Variants in IGSF21 observed in about 807,000 individuals in gnomAD.
IGSF21 encodes the protein immunoglobin superfamily member 21, also known as immunoglobulin superfamily member 21.
A neutral mutation model predicts 46.8 loss-of-function variants in IGSF21; 28 were observed. That is an observed-to-expected ratio of 0.60 (90% CI 0.44 to 0.82). The LOEUF (loss-of-function observed/expected upper bound fraction) is 0.82, where lower values mean the gene tolerates loss of function less well. IGSF21 is among the 40% of genes least tolerant of loss of function. IGSF21 has a pLI of 0.00. For synonymous variants in IGSF21, 284 were observed against 273.6 expected, an observed-to-expected ratio of 1.04 and a Z score of -0.38; for missense variants, 624 against 665.5, an observed-to-expected ratio of 0.94 and a Z score of 0.69.
Position 18,177,769 on chromosome 1 carries a change from G to A in IGSF21, c.71-50129G>A, listed in dbSNP as rs979294496. ...GTGTTTGGGTGATTGGATCGAGGAG[G>A]TGGCACATATATGTTAAAAAGTCAT... On this transcript the variant is annotated intron_variant, in intron 1 of 9. Coordinates refer to ENST00000251296, the MANE Select transcript of IGSF21 (RefSeq NM_032880.5). Among the ~76,000 whole-genome samples the A allele has an allele frequency of 5.3e-5, 8 of 152,274 alleles. No homozygotes were observed. In the South Asian group the frequency reaches 1.7e-3, roughly 32 times the overall value.
intron 3 of IGSF21, among the ~76,000 whole-genome samples, chr1:18,300,988 G>C (rs1277669271): frequency 6.6e-6 from 1 of 152,168 alleles, no homozygotes; most frequent in Admixed American, 6.5e-5. Flanking sequence ...GATGCCCAGG[G>C]CCTCCGTAAA....
At chr1:18,252,044 C>CCTTT (rs1557608067) in intron 2 of IGSF21, among the ~76,000 whole-genome samples, 1 of 98,982 alleles carries the variant, frequency 1.0e-5, no homozygotes, top group Non-Finnish European at 2.1e-5. Context: ...CTGACCAAGG[C>CCTTT]GTTTTTTTTT....
At chr1:18,368,814 T>C (rs975000200) in intron 6 of IGSF21, among the ~76,000 whole-genome samples, 1 of 151,988 alleles carries the variant, frequency 6.6e-6, no homozygotes, top group Non-Finnish European at 1.5e-5. Context: ...CCACCAAGAA[T>C]AAGGAGGAGA....
intron 2 of IGSF21, among the ~76,000 whole-genome samples, chr1:18,260,353 C>T (rs971722421): frequency 6.6e-6 from 1 of 152,194 alleles, no homozygotes; most frequent in African/African-American, 2.4e-5. Context: ...GGGGGAGCCC[C>T]AAAATTGGAG....
chr1:18,304,457 T>G (rs1010875356), intron 3 of IGSF21, among the ~76,000 whole-genome samples: 9 of 152,042 alleles, frequency 5.9e-5, no homozygotes, highest in African/African-American at 1.9e-4. Flanking sequence ...CCCAGGCCAA[T>G]CCTCTCATTC....
At chr1:18,230,374 C>T (rs2084612580) in intron 2 of IGSF21, among the ~76,000 whole-genome samples, 1 of 152,214 alleles carries the variant, frequency 6.6e-6, no homozygotes, top group African/African-American at 2.4e-5. Flanking sequence ...TTACCATTGT[C>T]AGGCGCTGCA....
At chr1:18,302,628 A>G (rs1261463986) in intron 3 of IGSF21, among the ~76,000 whole-genome samples, 2 of 151,390 alleles carry the variant, frequency 1.3e-5, no homozygotes, top group East Asian at 3.9e-4. Flanking sequence ...CGGTGTTTTC[A>G]TTCCCTCTCT....
At chr1:18,208,611 A>C (rs1180899600) in intron 1 of IGSF21, among the ~76,000 whole-genome samples, 67 of 131,696 alleles carry the variant, frequency 5.1e-4, no homozygotes, top group African/African-American at 1.9e-3. Flanking sequence ...GTTAGCCAGG[A>C]TGGTCTTGAT....
intron 6 of IGSF21, among the ~76,000 whole-genome samples, chr1:18,373,765 GAC>G (rs2086251977): frequency 6.6e-6 from 1 of 152,274 alleles, no homozygotes; most frequent in Non-Finnish European, 1.5e-5. Context: ...CCTATAGCAT[GAC>G]CTTGGACAAG....
intron 6 of IGSF21, among the ~76,000 whole-genome samples, chr1:18,368,631 C>G (rs1473506991): frequency 6.6e-6 from 1 of 152,164 alleles, no homozygotes; most frequent in Non-Finnish European, 1.5e-5. Flanking sequence ...TCTTGGTCCT[C>G]CTGCTTTTCC....
intron 1 of IGSF21, among the ~76,000 whole-genome samples, chr1:18,119,229 T>C (rs1231941560): frequency 1.3e-5 from 2 of 152,224 alleles, no homozygotes; most frequent in African/African-American, 4.8e-5. Context: ...AGGCACTGTG[T>C]TGGGTTCTAG....
At chr1:18,359,371 A>AAAGAAAGAAAGG (rs2086063080) in intron 4 of IGSF21, among the ~76,000 whole-genome samples, 1 of 100,594 alleles carries the variant, frequency 9.9e-6, no homozygotes, top group African/African-American at 3.8e-5. Context: ...AGAAAGAAAG[A>AAAGAAAGAAAGG]AAGAAAGAAA....
intron 3 of IGSF21, among the ~76,000 whole-genome samples, chr1:18,303,823 G>C (rs761377505): frequency 1.4e-4 from 21 of 152,258 alleles, no homozygotes; most frequent in Middle Eastern, 3.4e-3. Context: ...GGTTGGATAT[G>C]GTCAGCAAGG....
intron 2 of IGSF21, among the ~76,000 whole-genome samples, chr1:18,235,686 C>T (rs1176074873): frequency 6.6e-6 from 1 of 152,096 alleles, no homozygotes; most frequent in Non-Finnish European, 1.5e-5. Context: ...CATACCAGGC[C>T]CTGTGCTGTA....
rs1340115233 is a variant in IGSF21, at chr1:18,204,218, T to C, written c.71-23680T>C. On this transcript the variant is annotated intron_variant, in intron 1 of 9. Coordinates refer to ENST00000251296, the MANE Select transcript of IGSF21 (RefSeq NM_032880.5). ...ACATAGGTACTGTTCGGTCTCCATTTTACAGATGAAGAAACTGAGCCTTAG... is the reference window on the plus strand; with the variant it reads ...ACATAGGTACTGTTCGGTCTCCATTCTACAGATGAAGAAACTGAGCCTTAG... Among the ~76,000 whole-genome samples the C allele has an allele frequency of 2.0e-5, 3 of 152,202 alleles. No homozygotes were observed. In the East Asian group the frequency reaches 5.8e-4, roughly 29 times the overall value.
At chr1:18,158,671 G>C (rs1488656209) in intron 1 of IGSF21, among the ~76,000 whole-genome samples, 1 of 152,108 alleles carries the variant, frequency 6.6e-6, no homozygotes, top group East Asian at 1.9e-4. Context: ...CAATCTCTCT[G>C]CCTTCAGAAG....
chr1:18,122,623 CT>C (rs1025219600), intron 1 of IGSF21, among the ~76,000 whole-genome samples: 1,917 of 132,964 alleles, frequency 0.014, 42 homozygotes, highest in African/African-American at 0.047. Context: ...GATTTTTTTT[CT>C]TTTTTTTTTT....
At chr1:18,330,876 C>G (rs928896841) in intron 3 of IGSF21, among the ~76,000 whole-genome samples, 14 of 152,200 alleles carry the variant, frequency 9.2e-5, no homozygotes, top group Admixed American at 7.2e-4. Context: ...ACCTCTGCCA[C>G]CATTGACTTC....
At chr1:18,218,345 G>T (rs1005995962) in intron 1 of IGSF21, among the ~76,000 whole-genome samples, 2 of 152,206 alleles carry the variant, frequency 1.3e-5, no homozygotes, top group Non-Finnish European at 2.9e-5. Flanking sequence ...CCTCCCACCA[G>T]GTCCGTCTTC....
Sources: gnomAD v4.1 joint callset for allele counts (sites outside exome capture counted in the v4.1 genomes callset) on GRCh38, gnomAD v4.1.1 for gene constraint, MANE v1.5 for transcripts, NCBI Gene and HGNC (gene_info 2026-07-23, HGNC 2026-07-21) for gene names.